Variants in USP54 observed in about 807,000 individuals in gnomAD.
USP54 encodes ubiquitin specific peptidase 54.
Under a neutral mutation model 170.5 loss-of-function variants are expected in USP54, and 87 were observed. The ratio of observed to expected loss-of-function variants is 0.51; its 90% confidence interval spans 0.43 to 0.61. The LOEUF (loss-of-function observed/expected upper bound fraction) is 0.61. USP54 is among the 20% of genes least tolerant of loss of function. The pLI is 0.00. For synonymous variants in USP54, 655 were observed against 742.8 expected (o/e 0.88, Z 1.92); for missense variants, 1,786 against 2,047.8 (o/e 0.87, Z 2.47).
At chr10:73,518,175 GA>G in intron 19 of USP54, 4 of 985,360 alleles carry the variant, frequency 4.1e-6, no homozygotes, top group Non-Finnish European at 4.8e-6. Flanking sequence ...GCTATACAGG[GA>G]GGCAAGTCCT....
At chr10:73,583,964 T>TA (rs1281006819) in intron 1 of USP54, among the ~76,000 whole-genome samples, 9 of 152,232 alleles carry the variant, frequency 5.9e-5, no homozygotes, top group Middle Eastern at 3.4e-3. Flanking sequence ...AAATTCAAAA[T>TA]AAAAAACATT....
rs1301123868 is a variant in USP54 at position 73,517,067 on chromosome 10, G to A, written c.3359C>T (p.Pro1120Leu). Residue 1120 changes from proline to leucine, a missense_variant, in exon 20 of 24, where the codon CCA becomes CTA. Transcript: ENST00000687698. The stretch of plus-strand genomic sequence containing the variant: ...AAGCCCCTTTGTGCTGGGAAACTCT[G>A]GCCTATAGGTCTCCTCACTGCCTCT... ...VDRGSEETYR[P>L]EFPSTKGLVR... 6.2e-7 allele frequency: 1 copy of A among 1,614,048 alleles called. No individual in the cohort carries two copies. Among genetic ancestry groups the A allele is most frequent in the Non-Finnish European group, 8.5e-7 (1 of 1,180,050 alleles).
chr10:73,548,646 G>A (rs553544097), intron 4 of USP54, among the ~76,000 whole-genome samples: 205 of 152,174 alleles, frequency 1.3e-3, no homozygotes, highest in African/African-American at 4.9e-3. Flanking sequence ...ACCAAACACC[G>A]TATGTTCTCA....
chr10:73,548,406 T>C (rs2068371972), intron 4 of USP54, among the ~76,000 whole-genome samples: 2 of 152,214 alleles, frequency 1.3e-5, no homozygotes, highest in Non-Finnish European at 2.9e-5. Context: ...TTATAAATCA[T>C]GCTACTATAA....
At chr10:73,603,134 T>C (rs1465561813) in intron 1 of USP54, among the ~76,000 whole-genome samples, 1 of 152,084 alleles carries the variant, frequency 6.6e-6, no homozygotes, top group African/African-American at 2.4e-5. Context: ...CTAAGGAGTA[T>C]AAACTATGTC....
rs1317101231 is a variant in USP54, at chr10:73,541,482, T to C, written c.718A>G (p.Met240Val). ...GERIRIRRVL[M>V]NAPQIITIGL... ...ATCGTGATAATCTGTGGAGCATTCA[T>C]CAACACACGGCGAATCCTGATCCTC... is the stretch of plus-strand genomic sequence containing the variant. Residue 240 changes from methionine (M) to valine (V), a missense_variant, in exon 9 of 24, where the codon ATG (methionine) becomes GTG (valine). Coordinates refer to ENST00000687698, the MANE Select transcript of USP54 (RefSeq NM_001391956.1). 5 of 1,614,186 alleles carry C rather than the reference T, an allele frequency of 3.1e-6. No homozygotes were observed. The highest frequency in any genetic ancestry group is 4.2e-6 in the Non-Finnish European group (5 of 1,180,036).
chr10:73,501,627 G>T (rs1428029988), intron 22 of USP54, among the ~76,000 whole-genome samples: 1 of 152,120 alleles, frequency 6.6e-6, no homozygotes, highest in African/African-American at 2.4e-5. Flanking sequence ...TACTGCAACA[G>T]CCTTCAATCT....
chr10:73,607,923 C>A (rs1407199602), intron 1 of USP54, among the ~76,000 whole-genome samples: 1 of 151,448 alleles, frequency 6.6e-6, no homozygotes, highest in Non-Finnish European at 1.5e-5. Flanking sequence ...TTGCAGTGTG[C>A]GAAGTGTTAA....
chr10:73,612,755 C>T (rs897737071), intron 1 of USP54, among the ~76,000 whole-genome samples: 1 of 150,514 alleles, frequency 6.6e-6, no homozygotes, highest in Non-Finnish European at 1.5e-5. Flanking sequence ...GCAGGAAAAT[C>T]CTTGAACCCA....
At chr10:73,565,127 T>C (rs964866238) in intron 4 of USP54, among the ~76,000 whole-genome samples, 2 of 151,526 alleles carry the variant, frequency 1.3e-5, no homozygotes, top group Non-Finnish European at 2.9e-5. Flanking sequence ...AGTGATATAA[T>C]CAGTAGTATC....
chr10:73,567,831 T>G (rs949502830), intron 4 of USP54, among the ~76,000 whole-genome samples: 2 of 152,232 alleles, frequency 1.3e-5, no homozygotes, highest in African/African-American at 4.8e-5. Context: ...ATAATCTTTA[T>G]ATCTTTCCTT....
In USP54 at chr10:73,517,553, G is replaced by A. The variant is rs147791356; in HGVS notation, c.2873C>T (p.Ser958Leu). ...PSRSALKLLT[S>L]VEVDNIEPSA... Reference sequence around the variant, plus strand: ...GGGTTCAATGTTGTCTACTTCAACCGAAGTCAGAAGCTTCAAGGCAGATCT... The same window carrying A: ...GGGTTCAATGTTGTCTACTTCAACCAAAGTCAGAAGCTTCAAGGCAGATCT... The change falls in exon 20 of 24, where the codon TCG becomes TTG. Residue 958 changes from serine (S) to leucine (L), a missense_variant. By Grantham distance (145) the Ser-to-Leu change is moderately radical. This residue lies in a region of USP54 where 1,418 missense variants were observed against 1,569.0 expected (regional missense o/e 0.90). Coordinates refer to ENST00000687698, the MANE Select transcript of USP54 (RefSeq NM_001391956.1). 41 of 1,614,164 alleles carry A rather than the reference G, an allele frequency of 2.5e-5. No homozygotes were observed. The African/African-American group carries it at 3.1e-4, about 12-fold the overall frequency.
chr10:73,543,502 G>T (rs1377954017), intron 5 of USP54, among the ~76,000 whole-genome samples: 11 of 152,006 alleles, frequency 7.2e-5, no homozygotes, highest in Non-Finnish European at 1.3e-4. Flanking sequence ...GAGTAGCTGG[G>T]ACTACAGGCG....
At chr10:73,580,789 T>C (rs1264057599) in intron 1 of USP54, among the ~76,000 whole-genome samples, 2 of 152,000 alleles carry the variant, frequency 1.3e-5, no homozygotes, top group African/African-American at 2.4e-5. Context: ...ATGTTGACCA[T>C]GCTGGTCTCC....
chr10:73,575,174 G>A (rs1388154115), intron 3 of USP54, among the ~76,000 whole-genome samples: 2 of 152,218 alleles, frequency 1.3e-5, no homozygotes, highest in Non-Finnish European at 2.9e-5. Context: ...GCAGTGAGCC[G>A]AGATTGCGCC....
intron 1 of USP54, among the ~76,000 whole-genome samples, chr10:73,577,584 T>A (rs919401393): frequency 2.0e-5 from 3 of 152,196 alleles, no homozygotes; most frequent in Non-Finnish European, 4.4e-5. Flanking sequence ...TATTTAATAT[T>A]CACAACAGTC....
chr10:73,552,952 C>T (rs768639565), intron 4 of USP54, among the ~76,000 whole-genome samples: 26 of 152,312 alleles, frequency 1.7e-4, no homozygotes, highest in Non-Finnish European at 2.9e-5. Flanking sequence ...AAGAAGGGAT[C>T]TGAGTCAGGT....
chr10:73,516,278 G>T (rs2061063564), intron 20 of USP54, 97 bp downstream of exon 20: 1 of 1,303,870 alleles, frequency 7.7e-7, no homozygotes, highest in Non-Finnish European at 1.1e-6. Context: ...CTAAGCTGGG[G>T]ATAGTATCTG....
intron 20 of USP54, chr10:73,506,793 T>A (rs1028799170): frequency 1.3e-5 from 2 of 151,934 alleles, no homozygotes; most frequent in Non-Finnish European, 2.9e-5. Flanking sequence ...TTGGGGGAAA[T>A]GGGAAATGTT....
Sources: allele counts gnomAD v4.1 joint callset (sites outside exome capture counted in the v4.1 genomes callset), GRCh38; gene constraint gnomAD v4.1.1; regional missense constraint gnomAD v4.1.1; transcripts MANE v1.5; gene names NCBI Gene and HGNC (gene_info 2026-07-23, HGNC 2026-07-21).